The following NCOA1 variants were observed in gnomAD, a reference collection of about 807,000 sequenced individuals.
The protein encoded by NCOA1 is nuclear receptor coactivator 1, also known as Hin-2 protein.
A neutral mutation model predicts 150.9 loss-of-function variants in NCOA1; 35 were observed. The observed-to-expected ratio is 0.23, with a 90% CI of 0.18 to 0.31. The LOEUF (loss-of-function observed/expected upper bound fraction) is 0.31. Among genes scored for constraint, NCOA1 ranks in the 10% least tolerant of loss-of-function variants. NCOA1 has a pLI of 1.00. For missense variants in NCOA1, 1,491 were observed against 1,749.3 expected (o/e 0.85, Z 2.63); for synonymous variants, 590 against 630.0 (o/e 0.94, Z 0.95).
At chr2:24,608,682 G>GT (rs1237634413) in intron 3 of NCOA1, among the ~76,000 whole-genome samples, 3 of 115,006 alleles carry the variant, frequency 2.6e-5, no homozygotes, top group South Asian at 2.8e-4. Flanking sequence ...TTTTTGTTTT[G>GT]TTTTTTTCTT....
intron 11 of NCOA1, among the ~76,000 whole-genome samples, 182 bp from the exon 12 acceptor site, chr2:24,704,904 A>T (rs1288042006): frequency 1.3e-5 from 2 of 152,180 alleles, no homozygotes; most frequent in Non-Finnish European, 2.9e-5. Flanking sequence ...GTATATTTCA[A>T]CTGGAATCAT....
chr2:24,500,873 A>G (rs895445820), intron 1 of NCOA1, among the ~76,000 whole-genome samples: 1 of 152,260 alleles, frequency 6.6e-6, no homozygotes, highest in Non-Finnish European at 1.5e-5. Flanking sequence ...TTAATGCTGT[A>G]GGGAAAGGAT....
intron 1 of NCOA1, among the ~76,000 whole-genome samples, chr2:24,496,422 T>C (rs1009041989): frequency 6.6e-6 from 1 of 152,238 alleles, no homozygotes; most frequent in African/African-American, 2.4e-5. Context: ...GCGTCTTTGC[T>C]TTTACATGTT....
intron 3 of NCOA1, among the ~76,000 whole-genome samples, chr2:24,592,766 A>G (rs1667712631): frequency 6.6e-6 from 1 of 151,966 alleles, no homozygotes; most frequent in Admixed American, 6.6e-5. Flanking sequence ...TTCTTTCATT[A>G]GGGAGCACTT....
intron 11 of NCOA1, among the ~76,000 whole-genome samples, chr2:24,699,834 T>C (rs1015676148): frequency 6.6e-5 from 10 of 152,298 alleles, no homozygotes; most frequent in Admixed American, 5.9e-4. Flanking sequence ...CCAGATATCT[T>C]AACAAACCTT....
intron 1 of NCOA1, among the ~76,000 whole-genome samples, chr2:24,536,644 G>T (rs1055751064): frequency 2.6e-5 from 4 of 152,102 alleles, no homozygotes. Context: ...CGGTGTGGAT[G>T]TCCTTTTTGT....
intron 1 of NCOA1, among the ~76,000 whole-genome samples, chr2:24,493,005 G>C (rs967611653): frequency 6.7e-6 from 1 of 150,362 alleles, no homozygotes; most frequent in Admixed American, 6.6e-5. Flanking sequence ...AACAACGAAA[G>C]TTGGCCAGAG....
At chr2:24,687,614 C>T (rs1351688866) in intron 8 of NCOA1, among the ~76,000 whole-genome samples, 1 of 152,068 alleles carries the variant, frequency 6.6e-6, no homozygotes, top group Non-Finnish European at 1.5e-5. Context: ...AAGCAATTGC[C>T]TTCTTCACAA....
intron 3 of NCOA1, among the ~76,000 whole-genome samples, chr2:24,620,421 T>C (rs750746555): frequency 2.6e-5 from 4 of 152,216 alleles, no homozygotes; most frequent in Non-Finnish European, 5.9e-5. Context: ...CTGACCAACA[T>C]AGAGAAACCC....
chr2:24,622,317 T>G (rs557999712), intron 3 of NCOA1, among the ~76,000 whole-genome samples: 4 of 152,178 alleles, frequency 2.6e-5, no homozygotes, highest in African/African-American at 9.7e-5. Flanking sequence ...ACTGTACTTA[T>G]GCATTGTAAG....
At chr2:24,727,060 C>A (rs1221565234) in intron 15 of NCOA1, among the ~76,000 whole-genome samples, 2 of 150,450 alleles carry the variant, frequency 1.3e-5, no homozygotes, top group Non-Finnish European at 3.0e-5. Context: ...ATTGCTTGAA[C>A]CCAGGAGGTG....
At chr2:24,636,941 T>A (rs1218620478) in intron 3 of NCOA1, among the ~76,000 whole-genome samples, 2 of 152,074 alleles carry the variant, frequency 1.3e-5, no homozygotes, top group African/African-American at 4.8e-5. Context: ...TGACAAATAA[T>A]AATTGTACAT....
chr2:24,523,699 G>C (rs2148143226), intron 1 of NCOA1, among the ~76,000 whole-genome samples: 1 of 148,698 alleles, frequency 6.7e-6, no homozygotes, highest in Middle Eastern at 3.4e-3. Context: ...AGGCCGAGGT[G>C]GGCGGATCAT....
chr2:24,715,868 C>G (rs1276121590), intron 14 of NCOA1, among the ~76,000 whole-genome samples: 1 of 152,096 alleles, frequency 6.6e-6, no homozygotes, highest in African/African-American at 2.4e-5. Flanking sequence ...GGCGGCCGGG[C>G]GCAGTGGCTC....
intron 10 of NCOA1, 144 bp downstream of exon 10, chr2:24,693,491 G>T (rs1182022766): frequency 7.4e-6 from 5 of 679,930 alleles, no homozygotes; most frequent in Non-Finnish European, 1.3e-5. Flanking sequence ...TTTAAATGGT[G>T]CTCTTGAGAT....
rs532756739 is a variant in NCOA1, at chr2:24,521,577, T to TAAA, written c.-396+29976_-396+29978dup. On this transcript the variant is annotated intron_variant, in intron 1 of 22. Transcript: ENST00000348332. Reference sequence around the variant, plus strand: ...ACAATTTACAGGATTTTCTTCTTTTTAAAGGCCAAATACTATTTCATACAC... The same window carrying TAAA: ...ACAATTTACAGGATTTTCTTCTTTTTAAAAAAGGCCAAATACTATTTCATACAC... Among the ~76,000 whole-genome samples the TAAA allele has an allele frequency of 2.1e-3, 313 of 152,356 alleles. 3 individuals carry two copies. The highest frequency in any genetic ancestry group is 3.7e-3 in the Non-Finnish European group (251 of 68,022).
Position 24,758,102 on chromosome 2 carries a change from G to T in NCOA1, c.4011G>T (p.Gln1337His). The change falls in exon 21 of 23, where the codon CAG becomes CAT. Residue 1337 changes from glutamine (Q) to histidine (H), a missense_variant. By Grantham distance (24) the Gln-to-His change is conservative (BLOSUM62 0). This residue lies in a region of NCOA1 where 485 missense variants were observed against 522.8 expected (regional missense o/e 0.93). Transcript: ENST00000348332. ...NVQNMNPMMA[Q>H]MQMSSLQMPG... ...AGAACATGAACCCAATGATGGCCCA[G>T]ATGCAGATGAGCTCTTTGCAGATGC... 6.2e-7 allele frequency: 1 copy of T among 1,614,114 alleles called. No individual in the cohort carries two copies. Among genetic ancestry groups the T allele is most frequent in the Non-Finnish European group, 8.5e-7 (1 of 1,180,024 alleles).
In NCOA1 at chr2:24,665,843, G is replaced by A; in HGVS notation, c.184G>A (p.Val62Ile). The change falls in exon 6 of 23, where the codon GTA becomes ATA. Residue 62 changes from valine to isoleucine, a missense_variant. By Grantham distance (29) the Val-to-Ile change is conservative (BLOSUM62 3). Transcript: ENST00000348332. ...CATTAGTGACATTGACAGCTTGAGT[G>A]TAAAACCAGACAAATGCAAGATTTT... The part of the protein sequence containing the change: ...ANISDIDSLS[V>I]KPDKCKILKK... The A allele has an allele frequency of 6.2e-7, 1 of 1,604,084 alleles. No homozygotes were observed. The highest frequency in any genetic ancestry group is 8.5e-7 in the Non-Finnish European group (1 of 1,174,894).
chr2:24,501,836 C>T (rs559990177), intron 1 of NCOA1, among the ~76,000 whole-genome samples: 1 of 152,272 alleles, frequency 6.6e-6, no homozygotes, highest in African/African-American at 2.4e-5. Flanking sequence ...TCCATGACCT[C>T]CCCCAATGGT....
Sources: gnomAD v4.1 joint callset for allele counts (sites outside exome capture counted in the v4.1 genomes callset) on GRCh38, gnomAD v4.1.1 for gene constraint, gnomAD v4.1.1 regional missense constraint, MANE v1.5 for transcripts, NCBI Gene and HGNC (gene_info 2026-07-23, HGNC 2026-07-21) for gene names.